PXMP2: variants seen among roughly 807,000 people sequenced by gnomAD.
PXMP2 encodes the protein peroxisomal membrane protein 2.
PXMP2 carries 13 observed loss-of-function variants against 20.2 expected under a neutral mutation model. That is an observed-to-expected ratio of 0.64 (90% CI 0.42 to 1.02). PXMP2 has a LOEUF of 1.02. Among genes scored for constraint, PXMP2 ranks in the 50% least tolerant of loss-of-function variants. The probability of loss-of-function intolerance (pLI) is 0.00; values close to 1 mark genes in which losing one functional copy is unlikely to be tolerated. For synonymous variants in PXMP2, 113 were observed against 111.2 expected, an observed-to-expected ratio of 1.02 and a Z score of -0.10; for missense variants, 284 against 251.8, an observed-to-expected ratio of 1.13 and a Z score of -0.87.
chr12:132,702,058 C>G (rs2043446091), intron 4 of PXMP2, among the ~76,000 whole-genome samples: 1 of 152,206 alleles, frequency 6.6e-6, no homozygotes. Context: ...CCACTGCACT[C>G]TAGCCTGGGC....
In PXMP2 at chr12:132,701,259, G is replaced by T. The variant is rs1412855852; in HGVS notation, c.409G>T (p.Ala137Ser). ...CTTCCCTCCTTTGCAGGGGAAAGAC[G>T]CCTCAGCCTTCGCCGCCAAGATGAG... is the stretch of plus-strand genomic sequence containing the variant. ...LIMNFLEGKDASAFAAKMRGG... is the reference protein window; with the variant it reads ...LIMNFLEGKDSSAFAAKMRGG... The change falls in exon 4 of 5, where the codon GCC becomes TCC. Residue 137 changes from alanine to serine, a missense_variant. By Grantham distance (99) the Ala-to-Ser change is moderately conservative. Coordinates refer to ENST00000317479, the MANE Select transcript of PXMP2 (RefSeq NM_018663.3). 6 of 1,613,512 alleles carry T rather than the reference G, an allele frequency of 3.7e-6. No homozygotes were observed. The highest frequency in any genetic ancestry group is 5.1e-6 in the Non-Finnish European group (6 of 1,179,938).
chr12:132,697,439 G>A (rs1159730689), intron 3 of PXMP2, among the ~76,000 whole-genome samples: 1 of 150,454 alleles, frequency 6.6e-6, no homozygotes, highest in African/African-American at 2.4e-5. Context: ...GCAGAATCTC[G>A]CCCTGTTGCC....
At chr12:132,690,210 G>A in intron 1 of PXMP2, 53 bp from the exon 2 acceptor site, 4 of 1,449,254 alleles carry the variant, frequency 2.8e-6, no homozygotes, top group Non-Finnish European at 3.9e-6. Flanking sequence ...CTATGGGAAA[G>A]GGACACCCTC....
intron 2 of PXMP2, among the ~76,000 whole-genome samples, chr12:132,692,024 G>T (rs565491634): frequency 6.7e-6 from 1 of 150,372 alleles, no homozygotes; most frequent in Non-Finnish European, 1.5e-5. Flanking sequence ...CAGTTAGTTA[G>T]TGAGCTCCCT....
At chr12:132,692,157 CAGTTAGTGAGCTCCCTTAGCCAGTT>C (rs2043372246) in intron 2 of PXMP2, among the ~76,000 whole-genome samples, 2 of 130,500 alleles carry the variant, frequency 1.5e-5, no homozygotes, top group Admixed American at 8.0e-5. Flanking sequence ...GCTCCCTTGC[CAGTTAGTGAGCTCCCTTAGCCAGTT>C]AGTTAGTGAG....
At chr12:132,702,717 A>T (rs1331011355) in intron 4 of PXMP2, among the ~76,000 whole-genome samples, 2 of 152,208 alleles carry the variant, frequency 1.3e-5, no homozygotes, top group Non-Finnish European at 2.9e-5. Flanking sequence ...CCCTTCTGGG[A>T]AAGGTGGGTG....
intron 4 of PXMP2, among the ~76,000 whole-genome samples, chr12:132,703,353 C>T (rs2043453279): frequency 6.6e-6 from 1 of 151,930 alleles, no homozygotes; most frequent in South Asian, 2.1e-4. Context: ...TTCTGACACT[C>T]AGAGATGCGG....
At chr12:132,698,990 C>T (rs1214483124) in intron 3 of PXMP2, among the ~76,000 whole-genome samples, 15 of 152,230 alleles carry the variant, frequency 9.9e-5, no homozygotes, top group Middle Eastern at 3.4e-3. Flanking sequence ...TTAGAGGGTA[C>T]GAGTGCAGAT....
chr12:132,692,640 C>T (rs1277662580), intron 2 of PXMP2, among the ~76,000 whole-genome samples: 2 of 142,034 alleles, frequency 1.4e-5, no homozygotes, highest in East Asian at 4.1e-4. Flanking sequence ...TAGTGAGCGC[C>T]CTTAGCCAGT....
rs1304769894 is a variant in PXMP2 at position 132,695,943 on chromosome 12, C to G, written c.296C>G (p.Pro99Arg). Residue 99 changes from proline (P) to arginine (R), a missense_variant, in exon 3 of 5, where the codon CCT (proline) becomes CGT (arginine). Physicochemically the swap from Pro to Arg is moderately radical, Grantham distance 103. Transcript: ENST00000317479. ...FFYFFMEHWI[P>R]PEVPLAGLRR... is the part of the protein sequence containing the mutation. Reference sequence around the variant, plus strand: ...TACTTCTTCATGGAACATTGGATCCCTCCTGAGGTCCCCCTGGCAGGGCTC... The same window carrying G: ...TACTTCTTCATGGAACATTGGATCCGTCCTGAGGTCCCCCTGGCAGGGCTC... 1 of 1,612,500 alleles carries G rather than the reference C, an allele frequency of 6.2e-7. No homozygotes were observed. Among genetic ancestry groups the G allele is most frequent in the Non-Finnish European group, 8.5e-7 (1 of 1,179,378 alleles).
intron 4 of PXMP2, 113 bp from the exon 5 acceptor site, chr12:132,704,506 G>T (rs1348243430): frequency 2.6e-6 from 2 of 764,576 alleles, no homozygotes; most frequent in Admixed American, 3.3e-5. Flanking sequence ...ATGGATGGGT[G>T]GTTGGACCAG....
At chr12:132,695,294 TCCCTTGCCAGTTTGTTAGCCTAGTGAGTG>T (rs1192144668) in intron 2 of PXMP2, among the ~76,000 whole-genome samples, 2 of 151,276 alleles carry the variant, frequency 1.3e-5, no homozygotes, top group Non-Finnish European at 2.9e-5. Context: ...CCTAGTGAGT[TCCCTTGCCAGTTTGTTAGCCTAGTGAGTG>T]CCCTTGCCAG....
At chr12:132,693,750 T>G (rs1283239586) in intron 2 of PXMP2, among the ~76,000 whole-genome samples, 1,167 of 75,300 alleles carry the variant, frequency 0.015, 13 homozygotes, top group Admixed American at 0.027. Context: ...GTTAGTGAGC[T>G]CCCTTAGCCA....
Position 132,701,360 on chromosome 12 carries a change from C to T in PXMP2, c.510C>T (p.Val170=). ...TPLQFININY[V]PLKFRVLFAN... ...TACAGTTCATCAACATCAACTACGT[C>T]CCTCTGAAGGTGAGGGCCACGGGGC... The change falls in exon 4 of 5, where the codon GTC becomes GTT. Residue 170 remains valine (V), a synonymous_variant. Coordinates refer to ENST00000317479, the MANE Select transcript of PXMP2 (RefSeq NM_018663.3). 1 of 1,612,784 alleles carries T rather than the reference C, an allele frequency of 6.2e-7. No homozygotes were observed. The highest frequency in any genetic ancestry group is 8.5e-7 in the Non-Finnish European group (1 of 1,179,754).
intron 3 of PXMP2, among the ~76,000 whole-genome samples, chr12:132,700,779 T>C (rs960615796): frequency 2.0e-5 from 3 of 152,132 alleles, no homozygotes; most frequent in African/African-American, 4.8e-5. Context: ...CTAGGATCTT[T>C]ATGGTGTCAG....
intron 3 of PXMP2, among the ~76,000 whole-genome samples, chr12:132,700,732 A>G (rs1355906335): frequency 6.6e-6 from 1 of 151,880 alleles, no homozygotes; most frequent in East Asian, 1.9e-4. Context: ...CTTAGTCACA[A>G]ATTCTTTGTC....
chr12:132,690,435 C>A, intron 2 of PXMP2, 59 bp downstream of exon 2: 2 of 1,315,098 alleles, frequency 1.5e-6, no homozygotes, highest in Non-Finnish European at 2.2e-6. Context: ...CCAAGCTGGG[C>A]ACCAAAACCG....
rs1317788820 is a variant in PXMP2, at chr12:132,696,041, C to G, written c.394C>G (p.Leu132Val). ...LMLFFLIMNF[L>V]EGKDASAFAA... ...GTTGTTCTTCCTCATCATGAACTTT[C>G]TGGAGGTGGGTGTCTGCCACAGCAC... Residue 132 changes from leucine (L) to valine (V), a missense_variant, in exon 3 of 5, where the codon CTG becomes GTG. By Grantham distance (32) the Leu-to-Val change is conservative (BLOSUM62 1). Coordinates refer to ENST00000317479, the MANE Select transcript of PXMP2 (RefSeq NM_018663.3). The surrounding 1 kb of genome is among the most constrained non-coding windows in gnomAD (Gnocchi z 4.4). The G allele has an allele frequency of 6.2e-6, 10 of 1,604,032 alleles. No individual in the cohort carries two copies. The highest frequency in any genetic ancestry group is 4.5e-5 in the East Asian group (2 of 44,642).
At chr12:132,695,215 T>G (rs1255510305) in intron 2 of PXMP2, among the ~76,000 whole-genome samples, 12 of 152,074 alleles carry the variant, frequency 7.9e-5, no homozygotes, top group Non-Finnish European at 1.6e-4. Flanking sequence ...CCTTAGCCAG[T>G]TAGTGCCCTT....
Sources: allele counts gnomAD v4.1 joint callset (sites outside exome capture counted in the v4.1 genomes callset), GRCh38; gene constraint gnomAD v4.1.1; non-coding constraint Gnocchi (gnomAD v3.1); transcripts MANE v1.5; gene names NCBI Gene and HGNC (gene_info 2026-07-23, HGNC 2026-07-21).